RPS4Y1: variants seen among roughly 807,000 people sequenced by gnomAD.
RPS4Y1 encodes ribosomal protein S4 Y-linked 1.
For synonymous variants in RPS4Y1, 23 were observed against 20.8 expected, an observed-to-expected ratio of 1.10 and a Z score of -0.28; for missense variants, 30 against 60.9, an observed-to-expected ratio of 0.49 and a Z score of 1.69.
chrY:2,864,639 T>C, intron 5 of RPS4Y1, among the ~76,000 whole-genome samples: 1 of 33,376 alleles, frequency 3.0e-5, no homozygotes, highest in African/African-American at 1.2e-4. Flanking sequence ...AGATTCCCCA[T>C]TGAAAGACTG....
intron 4 of RPS4Y1, among the ~76,000 whole-genome samples, chrY:2,849,038 T>C: frequency 6.1e-5 from 2 of 32,866 alleles, no homozygotes; most frequent in Non-Finnish European, 1.5e-4. Context: ...GTTTTGGTTT[T>C]CCACTCCTGT....
intron 5 of RPS4Y1, among the ~76,000 whole-genome samples, chrY:2,857,088 A>C (rs2051160433): frequency 3.4e-5 from 1 of 29,814 alleles, no homozygotes; most frequent in East Asian, 8.5e-4. Context: ...TTGTGGTTTC[A>C]AAAAAAAAAA....
At chrY:2,863,243 A>G (rs2051164966) in intron 5 of RPS4Y1, among the ~76,000 whole-genome samples, 2 of 34,009 alleles carry the variant, frequency 5.9e-5, no homozygotes, top group Admixed American at 2.6e-4. Context: ...GAAAGAATCA[A>G]TGTTTTCATC....
At chrY:2,859,444 T>G in intron 5 of RPS4Y1, among the ~76,000 whole-genome samples, 1 of 33,810 alleles carries the variant, frequency 3.0e-5, no homozygotes, top group Admixed American at 2.7e-4. Context: ...AAGAACACTT[T>G]GAATCCTTTC....
intron 2 of RPS4Y1, 79 bp downstream of exon 2, chrY:2,842,321 A>G: frequency 4.1e-6 from 1 of 245,832 alleles, no homozygotes; most frequent in Non-Finnish European, 6.5e-6. Context: ...GTGGCTCGGT[A>G]TTTCTTGGGG....
chrY:2,841,630 A>G lies in RPS4Y1; in HGVS notation c.3+3A>G. On this transcript the variant is annotated splice_donor_region_variant and intron_variant, in intron 1 of 6. Coordinates refer to ENST00000250784, the MANE Select transcript of RPS4Y1 (RefSeq NM_001008.4). Reference sequence around the variant, plus strand: ...TTCCGTCGCAGAGTTTCGCCATGGTAAGACCGATAGTTCCTAACTCCTAGT... The same window carrying G: ...TTCCGTCGCAGAGTTTCGCCATGGTGAGACCGATAGTTCCTAACTCCTAGT... 5.1e-6 allele frequency: 2 copies of G among 395,168 alleles called. No individual in the cohort carries two copies. Among genetic ancestry groups the G allele is most frequent in the South Asian group, 3.0e-5 (1 of 33,664 alleles).
At chrY:2,860,998 C>T (rs2051163177) in intron 5 of RPS4Y1, among the ~76,000 whole-genome samples, 3 of 33,190 alleles carry the variant, frequency 9.0e-5, no homozygotes, top group Admixed American at 2.7e-4. Flanking sequence ...TTCTAGGACT[C>T]TTGTAGTTTG....
At chrY:2,845,842 C>T in intron 4 of RPS4Y1, 99 bp downstream of exon 4, 1 of 167,714 alleles carries the variant, frequency 6.0e-6, no homozygotes, top group African/African-American at 8.2e-5. Context: ...GGGAATATTT[C>T]CTATCTCTAC....
At chrY:2,862,466 C>T in intron 5 of RPS4Y1, among the ~76,000 whole-genome samples, 1 of 33,747 alleles carries the variant, frequency 3.0e-5, no homozygotes, top group East Asian at 7.7e-4. Flanking sequence ...AAACCCATTC[C>T]TTTCCATTCT....
At chrY:2,853,045 G>C (rs2051157136) in intron 4 of RPS4Y1, among the ~76,000 whole-genome samples, 1 of 33,536 alleles carries the variant, frequency 3.0e-5, no homozygotes, top group Non-Finnish European at 7.3e-5. Flanking sequence ...TAAGGGGACA[G>C]TATTTCAACT....
intron 4 of RPS4Y1, 153 bp from the exon 5 acceptor site, chrY:2,854,447 G>A (rs1393731438): frequency 1.2e-5 from 2 of 161,390 alleles, no homozygotes; most frequent in Non-Finnish European, 1.2e-5. Flanking sequence ...GAGATCATCA[G>A]CTCTGTGACT....
chrY:2,866,843 T>C lies in RPS4Y1; in HGVS notation c.741T>C (p.Thr247=). 2.5e-6 allele frequency: 1 copy of C among 398,445 alleles called. No individual in the cohort carries two copies. Among genetic ancestry groups the C allele is most frequent in the Non-Finnish European group, 3.5e-6 (1 of 282,947 alleles). The change falls in exon 7 of 7, where the codon ACT becomes ACC. Residue 247 remains threonine, a synonymous_variant. Coordinates refer to ENST00000250784, the MANE Select transcript of RPS4Y1 (RefSeq NM_001008.4). ...SLPRGKGIRL[T]VAEERDKRLA... ...CCAGGGGAAAGGGCATTCGACTTAC[T>C]GTTGCTGAAGAGAGAGATAAGAGGC... is the stretch of plus-strand genomic sequence containing the variant.
intron 5 of RPS4Y1, among the ~76,000 whole-genome samples, chrY:2,855,194 C>T (rs2051159154): frequency 4.4e-4 from 15 of 33,898 alleles, no homozygotes; most frequent in African/African-American, 1.7e-3. Flanking sequence ...CCCTACACCT[C>T]AGGCTCTGAC....
intron 4 of RPS4Y1, 66 bp downstream of exon 4, chrY:2,845,809 A>G (rs746574347): frequency 4.0e-3 from 887 of 223,416 alleles, no homozygotes; most frequent in South Asian, 0.012. Flanking sequence ...TAAGTTTGTC[A>G]GAGGGTGTTT....
chrY:2,848,102 G>A, intron 4 of RPS4Y1, among the ~76,000 whole-genome samples: 1 of 33,189 alleles, frequency 3.0e-5, no homozygotes, highest in African/African-American at 1.2e-4. Flanking sequence ...TTGGGTTTAT[G>A]GATTACCATT....
chrY:2,863,485 A>T (rs1055576769), intron 5 of RPS4Y1, among the ~76,000 whole-genome samples: 1 of 33,372 alleles, frequency 3.0e-5, no homozygotes, highest in Non-Finnish European at 7.4e-5. Flanking sequence ...CTAAGTACTG[A>T]TTTTCTCTTA....
chrY:2,854,797 G>A, intron 5 of RPS4Y1, 26 bp downstream of exon 5: 1 of 308,029 alleles, frequency 3.2e-6, no homozygotes, highest in Admixed American at 8.2e-5. Flanking sequence ...CCCTTGTGTT[G>A]TCTGCCACCT....
intron 5 of RPS4Y1, among the ~76,000 whole-genome samples, chrY:2,861,030 G>A (rs2051163243): frequency 3.0e-5 from 1 of 32,867 alleles, no homozygotes; most frequent in Non-Finnish European, 7.5e-5. Context: ...TCTTGATGGT[G>A]TCTGCTACTC....
chrY:2,847,983 A>G (rs2051153783), intron 4 of RPS4Y1, among the ~76,000 whole-genome samples: 1 of 32,397 alleles, frequency 3.1e-5, no homozygotes. Context: ...ATATTGCAGA[A>G]GGTTTATGAA....
Sources: allele counts gnomAD v4.1 joint callset (sites outside exome capture counted in the v4.1 genomes callset), GRCh38; gene constraint gnomAD v4.1.1; transcripts MANE v1.5; gene names NCBI Gene and HGNC (gene_info 2026-07-23, HGNC 2026-07-21).